ABI3BP: variants seen among roughly 807,000 people sequenced by gnomAD.
ABI3BP encodes the protein target of Nesh-SH3.
A neutral mutation model predicts 268.6 loss-of-function variants in ABI3BP; 216 were observed. The ratio of observed to expected loss-of-function variants is 0.80; its 90% CI spans 0.72 to 0.90. The LOEUF (loss-of-function observed/expected upper bound fraction) is 0.90, where lower values mean the gene tolerates loss of function less well. Ranked by LOEUF, ABI3BP falls within the 40% of genes least tolerant of loss-of-function variation. The pLI is 0.00. For synonymous variants in ABI3BP, 730 were observed against 730.0 expected, an observed-to-expected ratio of 1.00 and a Z score of 0.00; for missense variants, 2,090 against 2,182.4, an observed-to-expected ratio of 0.96 and a Z score of 0.84.
chr3:100,792,237 CT>C (rs1318918842), intron 55 of ABI3BP, among the ~76,000 whole-genome samples: 1 of 151,690 alleles, frequency 6.6e-6, no homozygotes, highest in Non-Finnish European at 1.5e-5. Flanking sequence ...AATGATTTTT[CT>C]TTTTAATAGC....
intron 44 of ABI3BP, among the ~76,000 whole-genome samples, chr3:100,814,748 T>A (rs2097967510): frequency 6.6e-6 from 1 of 152,122 alleles, no homozygotes; most frequent in Non-Finnish European, 1.5e-5. Flanking sequence ...AGGAAATGAT[T>A]GTCTTCTTAA....
intron 9 of ABI3BP, among the ~76,000 whole-genome samples, chr3:100,873,690 C>CA (rs1401458124): frequency 6.6e-6 from 1 of 152,040 alleles, no homozygotes; most frequent in Non-Finnish European, 1.5e-5. Context: ...CTCTCTCAGC[C>CA]AAAAAAGAGG....
Position 100,956,214 on chromosome 3 carries a change from A to AACACAC in ABI3BP, c.80-29739_80-29734dup, listed in dbSNP as rs58723365. On this transcript the variant is annotated intron_variant, in intron 1 of 67. Coordinates refer to ENST00000471714, the MANE Select transcript of ABI3BP (RefSeq NM_001375547.2). The stretch of plus-strand genomic sequence containing the variant: ...TGTCTCAAAAAAAAAAAAGAAAAAC[A>AACACAC]ACACACACACACACACACACACACA... 1.7e-3 allele frequency among the ~76,000 whole-genome samples: 224 copies of AACACAC among 133,740 alleles called. 1 individual carries two copies. The highest frequency in any genetic ancestry group is 4.4e-3 in the East Asian group (20 of 4,526). The allele number at this position is 133,740 out of a possible 152,430, so 87.7% of individuals were successfully genotyped here.
chr3:100,956,001 A>T (rs570015005), intron 1 of ABI3BP, among the ~76,000 whole-genome samples: 8 of 152,180 alleles, frequency 5.3e-5, no homozygotes, highest in African/African-American at 1.9e-4. Flanking sequence ...CAGCCTGCCC[A>T]ACATAGTGAA....
chr3:100,940,874 G>GCAAT (rs2068850415), intron 1 of ABI3BP, among the ~76,000 whole-genome samples: 1 of 113,998 alleles, frequency 8.8e-6, no homozygotes, highest in African/African-American at 3.3e-5. Flanking sequence ...TAGAGGAAAA[G>GCAAT]CAATTCTGGA....
In ABI3BP at chr3:100,919,288, G is replaced by T. The variant is rs528971136; in HGVS notation, c.259+7014C>A. Among the ~76,000 whole-genome samples, 13 of 151,916 alleles carry T rather than the reference G, an allele frequency of 8.6e-5. No homozygotes were observed. The South Asian group carries it at 2.7e-3, about 32-fold the overall frequency. ...TCACTTATGATAGTTATATTTCAGT[G>T]TAATAAACAGTATCAATCTCTATTA... On this transcript the variant is annotated intron_variant, in intron 2 of 67. Coordinates refer to ENST00000471714, the MANE Select transcript of ABI3BP (RefSeq NM_001375547.2).
intron 66 of ABI3BP, among the ~76,000 whole-genome samples, chr3:100,751,900 C>T (rs2095350392): frequency 6.6e-6 from 1 of 152,144 alleles, no homozygotes; most frequent in Non-Finnish European, 1.5e-5. Flanking sequence ...CCATAAATTT[C>T]CCCAGCAGTC....
At chr3:100,872,694 T>C (rs1380542261) in intron 9 of ABI3BP, among the ~76,000 whole-genome samples, 1 of 152,146 alleles carries the variant, frequency 6.6e-6, no homozygotes, top group African/African-American at 2.4e-5. Flanking sequence ...CTTTAACTCT[T>C]CCAAACACAG....
At chr3:100,848,727 A>C (rs1311205164) in intron 18 of ABI3BP, 74 bp downstream of exon 18, 1 of 1,464,122 alleles carries the variant, frequency 6.8e-7, no homozygotes, top group African/African-American at 1.4e-5. Flanking sequence ...GCACCTGGCT[A>C]TCCTTCTTAC....
chr3:100,946,139 G>A (rs1221152757), intron 1 of ABI3BP, among the ~76,000 whole-genome samples: 1 of 152,120 alleles, frequency 6.6e-6, no homozygotes, highest in African/African-American at 2.4e-5. Flanking sequence ...GGGAGGACAA[G>A]GTGGGCAGAT....
chr3:100,826,264 G>T (rs73135568), intron 34 of ABI3BP, among the ~76,000 whole-genome samples: 20,695 of 152,156 alleles, frequency 0.14, 1,829 homozygotes, highest in South Asian at 0.26. Context: ...CCAGCCTCCA[G>T]AGTTGTGAGA....
chr3:100,967,994 G>A (rs1292539090), intron 1 of ABI3BP, among the ~76,000 whole-genome samples: 2 of 152,174 alleles, frequency 1.3e-5, no homozygotes, highest in East Asian at 1.9e-4. Context: ...GATTAGGAGG[G>A]GGCCAACCAT....
intron 4 of ABI3BP, among the ~76,000 whole-genome samples, chr3:100,895,081 CTT>C: frequency 6.7e-6 from 1 of 149,286 alleles, no homozygotes; most frequent in African/African-American, 2.5e-5. Flanking sequence ...ATCTTGAAAT[CTT>C]TAACAAGTTG....
intron 1 of ABI3BP, among the ~76,000 whole-genome samples, chr3:100,967,417 T>A (rs2081775150): frequency 6.7e-6 from 1 of 149,624 alleles, no homozygotes; most frequent in Admixed American, 6.7e-5. Context: ...GGCAGAAGAA[T>A]CACTTGAACC....
intron 1 of ABI3BP, among the ~76,000 whole-genome samples, chr3:100,967,475 G>A (rs2081813451): frequency 7.0e-6 from 1 of 142,966 alleles, no homozygotes; most frequent in Non-Finnish European, 1.5e-5. Context: ...CTGCACTCTA[G>A]CCTGGGTGAC....
chr3:100,905,917 A>C (rs2053209499), intron 2 of ABI3BP, among the ~76,000 whole-genome samples: 1 of 152,204 alleles, frequency 6.6e-6, no homozygotes, highest in Admixed American at 6.5e-5. Context: ...TTTATATTTT[A>C]GTATCTTCAA....
intron 51 of ABI3BP, among the ~76,000 whole-genome samples, chr3:100,798,271 T>C (rs2097413744): frequency 6.6e-6 from 1 of 152,140 alleles, no homozygotes; most frequent in South Asian, 2.1e-4. Context: ...GATGATTTAA[T>C]AAACTGTCAT....
At chr3:100,898,240 C>T (rs1451483828) in intron 4 of ABI3BP, among the ~76,000 whole-genome samples, 2 of 152,192 alleles carry the variant, frequency 1.3e-5, no homozygotes, top group African/African-American at 4.8e-5. Context: ...ATCAAAACCA[C>T]CTGGAAGGCT....
rs146396919 is a variant in ABI3BP, at chr3:100,929,172, G to A, written c.80-2691C>T. Reference sequence around the variant, plus strand: ...GAGCATTTAACAAATCTTAGTACACGTAGGCTGCATTCATATTTGACAAAG... The same window carrying A: ...GAGCATTTAACAAATCTTAGTACACATAGGCTGCATTCATATTTGACAAAG... On this transcript the variant is annotated intron_variant, in intron 1 of 67. Transcript: ENST00000471714. Among the ~76,000 whole-genome samples, 947 of 152,058 alleles carry A rather than the reference G, an allele frequency of 6.2e-3. 4 individuals carry two copies. Among genetic ancestry groups the A allele is most frequent in the Non-Finnish European group, 0.01 (700 of 67,956 alleles).
Sources: gnomAD v4.1 joint callset for allele counts (sites outside exome capture counted in the v4.1 genomes callset) on GRCh38, gnomAD v4.1.1 for gene constraint, MANE v1.5 for transcripts, NCBI Gene and HGNC (gene_info 2026-07-23, HGNC 2026-07-21) for gene names.